The following SH3KBP1 variants were observed in gnomAD, a reference collection of about 807,000 sequenced individuals.
SH3KBP1 encodes SH3 domain-containing kinase-binding protein 1.
A neutral mutation model predicts 50.1 loss-of-function variants in SH3KBP1; 8 were observed. That is an observed-to-expected ratio of 0.16 (90% CI 0.09 to 0.29). The LOEUF is 0.29. Among genes scored for constraint, SH3KBP1 ranks in the 10% least tolerant of loss-of-function variants. The pLI is 1.00. For missense variants in SH3KBP1, 377 were observed against 535.2 expected (o/e 0.70, Z 2.92); for synonymous variants, 227 against 218.6 (o/e 1.04, Z -0.34).
At chrX:19,636,907 G>A (rs1007063016) in intron 7 of SH3KBP1, among the ~76,000 whole-genome samples, 1 of 112,306 alleles carries the variant, frequency 8.9e-6, no homozygotes, top group Non-Finnish European at 1.9e-5. Flanking sequence ...CATTTGGAAA[G>A]TACCAGGTCA....
intron 8 of SH3KBP1, among the ~76,000 whole-genome samples, chrX:19,623,503 T>C (rs1602702241): frequency 8.9e-6 from 1 of 111,963 alleles, no homozygotes; most frequent in East Asian, 2.8e-4. Context: ...CTGGCCAACA[T>C]GGTGAAACCC....
At chrX:19,640,745 T>C (rs1209288645) in intron 7 of SH3KBP1, among the ~76,000 whole-genome samples, 3 of 111,572 alleles carry the variant, frequency 2.7e-5, no homozygotes, top group Non-Finnish European at 5.6e-5. Flanking sequence ...CTACTCCCTT[T>C]GCAAATCCCG....
chrX:19,789,558 C>T (rs1175288716), intron 2 of SH3KBP1, among the ~76,000 whole-genome samples: 1 of 109,135 alleles, frequency 9.2e-6, no homozygotes, highest in African/African-American at 3.3e-5. Flanking sequence ...CATGGTCTTT[C>T]CTCTGTGCGT....
At chrX:19,886,311 G>C (rs2069583149) in intron 1 of SH3KBP1, among the ~76,000 whole-genome samples, 1 of 112,101 alleles carries the variant, frequency 8.9e-6, no homozygotes, top group African/African-American at 3.3e-5. Context: ...ACTTTATTAT[G>C]ATTTATTATT....
At chrX:19,585,204 ATACTAAATGTACTAAATG>A (rs375347143) in intron 12 of SH3KBP1, among the ~76,000 whole-genome samples, 2 of 111,865 alleles carry the variant, frequency 1.8e-5, no homozygotes, top group Non-Finnish European at 3.8e-5. Context: ...TAAGACACGC[ATACTAAATGTACTAAATG>A]TACTAAATGT....
At chrX:19,651,148 G>A (rs780799532) in intron 6 of SH3KBP1, among the ~76,000 whole-genome samples, 26 of 110,299 alleles carry the variant, frequency 2.4e-4, no homozygotes, top group Non-Finnish European at 4.0e-4. Context: ...CAGAGCAGAA[G>A]CCCTGTGAGC....
chrX:19,766,976 T>C (rs1270635039), intron 2 of SH3KBP1, among the ~76,000 whole-genome samples: 1 of 111,520 alleles, frequency 9.0e-6, no homozygotes, highest in Non-Finnish European at 1.9e-5. Context: ...GTGGACACCT[T>C]TGAGGGGCCA....
chrX:19,542,290 C>T (rs1393356927), intron 15 of SH3KBP1, 97 bp from the exon 16 acceptor site: 25 of 842,769 alleles, frequency 3.0e-5, no homozygotes, highest in Admixed American at 8.0e-5. Context: ...CCACTGTCCC[C>T]GCCTCTCTCC....
intron 3 of SH3KBP1, among the ~76,000 whole-genome samples, chrX:19,741,232 A>G (rs1340491719): frequency 8.9e-6 from 1 of 112,172 alleles, no homozygotes; most frequent in African/African-American, 3.2e-5. Context: ...TCATACCCAC[A>G]TATCAATTCA....
intron 9 of SH3KBP1, among the ~76,000 whole-genome samples, chrX:19,606,770 T>A (rs1388632366): frequency 2.7e-5 from 3 of 112,105 alleles, no homozygotes; most frequent in African/African-American, 9.7e-5. Context: ...CAGGTGATGC[T>A]GCTATTGCCG....
intron 12 of SH3KBP1, among the ~76,000 whole-genome samples, chrX:19,573,093 T>C (rs1360816293): frequency 8.9e-6 from 1 of 111,916 alleles, no homozygotes; most frequent in African/African-American, 3.2e-5. Context: ...TATGTATTTG[T>C]ACAATAAATG....
intron 8 of SH3KBP1, among the ~76,000 whole-genome samples, chrX:19,614,269 C>T (rs1332067527): frequency 8.9e-6 from 1 of 112,930 alleles, no homozygotes; most frequent in African/African-American, 3.2e-5. Context: ...CCGAAGTGCT[C>T]CACACAGCTG....
intron 2 of SH3KBP1, among the ~76,000 whole-genome samples, chrX:19,785,495 T>G (rs1445348349): frequency 9.0e-6 from 1 of 111,239 alleles, no homozygotes; most frequent in African/African-American, 3.3e-5. Context: ...GCCACTGCAC[T>G]CCAACCTGGG....
At chrX:19,793,016 C>T (rs1222342805) in intron 2 of SH3KBP1, among the ~76,000 whole-genome samples, 1 of 110,255 alleles carries the variant, frequency 9.1e-6, no homozygotes, top group Non-Finnish European at 1.9e-5. Flanking sequence ...AGCATCTGGG[C>T]CAGGCATGGG....
chrX:19,747,445 C>G lies in SH3KBP1; in HGVS notation c.163-1004G>C, dbSNP rs574652130. Reference sequence around the variant, plus strand: ...GCTGACCCAAAGCATGGCTGAATGGCAGGAAGAGCTCAAAGATGAGGAATG... The same window carrying G: ...GCTGACCCAAAGCATGGCTGAATGGGAGGAAGAGCTCAAAGATGAGGAATG... On this transcript the variant is annotated intron_variant, in intron 2 of 17. Transcript: ENST00000397821. Among the ~76,000 whole-genome samples the G allele has an allele frequency of 2.7e-5, 3 of 110,905 alleles. No individual in the cohort carries two copies. In the South Asian group the frequency reaches 1.1e-3, roughly 42 times the overall value.
At chrX:19,761,449 C>T (rs983710294) in intron 2 of SH3KBP1, among the ~76,000 whole-genome samples, 3 of 109,519 alleles carry the variant, frequency 2.7e-5, no homozygotes. Flanking sequence ...AAGCTATATA[C>T]GTAAGTTAAT....
Position 19,535,042 on chromosome X carries a change from C to T in SH3KBP1, c.*1375G>A, listed in dbSNP as rs192424738. On this transcript the variant is annotated 3_prime_UTR_variant, in exon 18 of 18. Coordinates refer to ENST00000397821, the MANE Select transcript of SH3KBP1 (RefSeq NM_031892.3). The stretch of plus-strand genomic sequence containing the variant: ...AGCAGCTTTTGAGAAACACATCCAA[C>T]ATCTTCAGGGGCCATTAAGGGACCA... 7.4e-3 allele frequency: 2,180 copies of T among 295,998 alleles called. 14 individuals carry two copies. Among genetic ancestry groups the T allele is most frequent in the Non-Finnish European group, 0.01 (1,776 of 170,119 alleles). 24.4% of individuals were successfully genotyped at this position (295,998 alleles called of 1,213,427 possible).
chrX:19,806,011 G>A (rs1337424565), intron 2 of SH3KBP1, among the ~76,000 whole-genome samples: 1 of 111,156 alleles, frequency 9.0e-6, no homozygotes, highest in African/African-American at 3.3e-5. Context: ...ATCAAGAAAG[G>A]TACTCTTGGG....
At chrX:19,725,604 C>A (rs1227019893) in intron 3 of SH3KBP1, among the ~76,000 whole-genome samples, 1 of 112,239 alleles carries the variant, frequency 8.9e-6, no homozygotes, top group Non-Finnish European at 1.9e-5. Context: ...CACTCCACCA[C>A]AGACCACCAG....
Sources: allele counts gnomAD v4.1 joint callset (sites outside exome capture counted in the v4.1 genomes callset), GRCh38; gene constraint gnomAD v4.1.1; transcripts MANE v1.5; gene names NCBI Gene and HGNC (gene_info 2026-07-23, HGNC 2026-07-21).